Variants in CIT observed in about 807,000 individuals in gnomAD.
The protein encoded by CIT is citron rho-interacting serine/threonine kinase.
CIT carries 79 observed loss-of-function variants against 272.7 expected under a neutral mutation model. That is an observed-to-expected ratio of 0.29 (90% CI 0.24 to 0.35). CIT has a LOEUF of 0.35. CIT is among the 10% of genes least tolerant of loss of function. The pLI is 1.00. For missense variants in CIT, 1,909 were observed against 2,618.3 expected, an observed-to-expected ratio of 0.73 and a Z score of 5.91; for synonymous variants, 948 against 995.6, an observed-to-expected ratio of 0.95 and a Z score of 0.90.
chr12:119,690,232 G>C lies in CIT; in HGVS notation c.6105C>G (p.Ser2035=), dbSNP rs780843106. 2 of 1,546,160 alleles carry C rather than the reference G, an allele frequency of 1.3e-6. No homozygotes were observed. The highest frequency in any genetic ancestry group is 2.8e-5 in the African/African-American group (2 of 71,376). The change falls in exon 47 of 48, where the codon TCC becomes TCG. Residue 2035 remains serine (S), a synonymous_variant. Transcript: ENST00000392521. The surrounding 1 kb of genome is among the most constrained non-coding windows in gnomAD (Gnocchi z 6.0). ...TGCTGTCTTCAAACAGCCTCCCGGG[G>C]GACCGCTCTCTCCGCGTGCTGAGCA... is the stretch of plus-strand genomic sequence containing the variant. ...GRMLSTRRER[S]PGRLFEDSSR...
intron 2 of CIT, among the ~76,000 whole-genome samples, chr12:119,869,947 C>G (rs1950620288): frequency 6.6e-6 from 1 of 152,160 alleles, no homozygotes; most frequent in Non-Finnish European, 1.5e-5. Flanking sequence ...GAGTTCACTG[C>G]AGGTCTGACT....
At chr12:119,786,666 G>A (rs748541938) in intron 10 of CIT, among the ~76,000 whole-genome samples, 2 of 152,300 alleles carry the variant, frequency 1.3e-5, no homozygotes, top group Middle Eastern at 3.4e-3. Flanking sequence ...CTACTTCCCT[G>A]ACTAAAAGAG....
intron 10 of CIT, among the ~76,000 whole-genome samples, chr12:119,798,779 G>T (rs1593790084): frequency 6.6e-6 from 1 of 152,288 alleles, no homozygotes; most frequent in Non-Finnish European, 1.5e-5. Context: ...ACATTCCAAG[G>T]AAGATCAGCA....
chr12:119,747,866 A>G (rs375308025), intron 23 of CIT, among the ~76,000 whole-genome samples: 2 of 152,242 alleles, frequency 1.3e-5, no homozygotes, highest in East Asian at 3.8e-4. Context: ...TAGTATTGTT[A>G]TGAAAACAGT....
intron 16 of CIT, among the ~76,000 whole-genome samples, chr12:119,773,755 C>G (rs1178289342): frequency 6.6e-6 from 1 of 152,126 alleles, no homozygotes; most frequent in Non-Finnish European, 1.5e-5. Context: ...AATGTGGCTA[C>G]TAGAAAATTT....
chr12:119,838,507 C>T (rs1969179923), intron 5 of CIT, among the ~76,000 whole-genome samples: 1 of 152,106 alleles, frequency 6.6e-6, no homozygotes, highest in Non-Finnish European at 1.5e-5. Flanking sequence ...TGGGTGGGAC[C>T]CAGGAATCTA....
In CIT at chr12:119,710,885, G is replaced by C; in HGVS notation, c.4855-265C>G. 1.6e-6 allele frequency: 1 copy of C among 622,688 alleles called. No individual in the cohort carries two copies. The highest frequency in any genetic ancestry group is 1.8e-5 in the South Asian group (1 of 54,090). 38.6% of individuals were successfully genotyped at this position (622,688 alleles called of 1,614,324 possible). On this transcript the variant is annotated intron_variant, in intron 37 of 47. Coordinates refer to ENST00000392521, the MANE Select transcript of CIT (RefSeq NM_001206999.2). The surrounding 1 kb of genome is among the most constrained non-coding windows in gnomAD (Gnocchi z 5.6). ...GATGCAGAAATAAGGGAGGGTAGTAGACATGGAAAGCTATTCTGTAATAAG... is the reference window on the plus strand; with the variant it reads ...GATGCAGAAATAAGGGAGGGTAGTACACATGGAAAGCTATTCTGTAATAAG...
At chr12:119,761,578 A>T (rs1961801030) in intron 19 of CIT, among the ~76,000 whole-genome samples, 1 of 152,200 alleles carries the variant, frequency 6.6e-6, no homozygotes, top group African/African-American at 2.4e-5. Flanking sequence ...GTGACCAAGG[A>T]TGATGCTCAG....
At chr12:119,785,843 G>A (rs1001471767) in intron 10 of CIT, among the ~76,000 whole-genome samples, 1 of 152,152 alleles carries the variant, frequency 6.6e-6, no homozygotes, top group East Asian at 1.9e-4. Flanking sequence ...GCCTCCCAAA[G>A]TGCTGGGATT....
intron 9 of CIT, among the ~76,000 whole-genome samples, chr12:119,812,034 C>G (rs868628763): frequency 8.6e-5 from 13 of 151,808 alleles, no homozygotes; most frequent in Non-Finnish European, 1.8e-4. Context: ...CAACCTCCAC[C>G]TCCCGGGTTC....
At chr12:119,757,948 A>C (rs1961240882) in intron 21 of CIT, among the ~76,000 whole-genome samples, 1 of 152,196 alleles carries the variant, frequency 6.6e-6, no homozygotes, top group Admixed American at 6.5e-5. Flanking sequence ...ACTAAGGAGA[A>C]AGAATGGTAT....
intron 5 of CIT, 142 bp downstream of exon 5, chr12:119,850,032 G>A: frequency 1.4e-6 from 1 of 710,150 alleles, no homozygotes; most frequent in Non-Finnish European, 2.5e-6. Flanking sequence ...TTTATAACGA[G>A]GAAACCAGGG....
At chr12:119,870,907 T>C (rs1326628082) in intron 2 of CIT, among the ~76,000 whole-genome samples, 1 of 151,360 alleles carries the variant, frequency 6.6e-6, no homozygotes, top group Non-Finnish European at 1.5e-5. Context: ...GATCGCGAGG[T>C]CAGAAGTTCG....
chr12:119,850,356 A>G (rs546982354), intron 4 of CIT, 81 bp from the exon 5 acceptor site: 3 of 746,702 alleles, frequency 4.0e-6, no homozygotes, highest in Non-Finnish European at 6.5e-6. Context: ...CTTTATGCCT[A>G]AACTGATGTT....
chr12:119,704,499 T>C (rs530817682), intron 40 of CIT, 44 bp from the exon 41 acceptor site: 52 of 1,568,684 alleles, frequency 3.3e-5, no homozygotes, highest in Non-Finnish European at 1.5e-5. Context: ...ACCAGTGTGA[T>C]ACCGGCTGTG....
At chr12:119,763,360 A>C (rs192212744) in intron 19 of CIT, among the ~76,000 whole-genome samples, 8 of 10,584 alleles carry the variant, frequency 7.6e-4, no homozygotes, top group Non-Finnish European at 1.3e-3. Context: ...AGCTGGGACT[A>C]CAGATGTGTG....
chr12:119,868,939 T>C (rs1454670621), intron 3 of CIT, 121 bp downstream of exon 3: 2 of 1,165,532 alleles, frequency 1.7e-6, no homozygotes, highest in African/African-American at 1.6e-5. Flanking sequence ...AACCTGGATC[T>C]GTCTTATATA....
chr12:119,688,061 C>G lies in CIT; in HGVS notation c.*171G>C. The stretch of plus-strand genomic sequence containing the variant: ...CGCTGACAGCTCCGAAGAGCCTCAG[C>G]CACCTGCCCCTCCTGGAGACAGGGG... On this transcript the variant is annotated 3_prime_UTR_variant, in exon 48 of 48. Coordinates refer to ENST00000392521, the MANE Select transcript of CIT (RefSeq NM_001206999.2). 1 of 688,162 alleles carries G rather than the reference C, an allele frequency of 1.5e-6. No individual in the cohort carries two copies. Among genetic ancestry groups the G allele is most frequent in the African/African-American group, 1.8e-5 (1 of 55,882 alleles). The allele number at this position is 688,162 out of a possible 1,614,324, so 42.6% of individuals were successfully genotyped here.
chr12:119,717,838 C>CTTTTTTTTTTTTTGTTTT (rs1957602425), intron 32 of CIT, among the ~76,000 whole-genome samples: 1 of 81,332 alleles, frequency 1.2e-5, no homozygotes, highest in Non-Finnish European at 2.3e-5. Flanking sequence ...TGACTTCTTT[C>CTTTTTTTTTTTTTGTTTT]TTTTTTTTTT....
Sources: allele counts gnomAD v4.1 joint callset (sites outside exome capture counted in the v4.1 genomes callset), GRCh38; gene constraint gnomAD v4.1.1; non-coding constraint Gnocchi (gnomAD v3.1); transcripts MANE v1.5; gene names NCBI Gene and HGNC (gene_info 2026-07-23, HGNC 2026-07-21).